Variants in NOL10 observed in about 807,000 individuals in gnomAD.
The protein encoded by NOL10 is nucleolar protein 10.
In NOL10, 58 loss-of-function variants were observed where a neutral mutation model predicts 103.5. The ratio of observed to expected loss-of-function variants is 0.56; its 90% CI spans 0.45 to 0.70. NOL10 has a LOEUF of 0.70. Ranked by LOEUF, NOL10 falls within the 30% of genes least tolerant of loss-of-function variation. The pLI, the probability that NOL10 is intolerant of heterozygous loss-of-function variation, is 0.00. For synonymous variants in NOL10, 287 were observed against 282.5 expected, an observed-to-expected ratio of 1.02 and a Z score of -0.16; for missense variants, 763 against 807.3, an observed-to-expected ratio of 0.95 and a Z score of 0.67.
chr2:10,637,032 T>C (rs1174457371), intron 13 of NOL10, among the ~76,000 whole-genome samples: 1 of 151,880 alleles, frequency 6.6e-6, no homozygotes, highest in East Asian at 1.9e-4. Flanking sequence ...CAAAACCCCA[T>C]GTCTACTAAA....
At chr2:10,648,659 T>C (rs1284063218) in intron 12 of NOL10, among the ~76,000 whole-genome samples, 1 of 152,132 alleles carries the variant, frequency 6.6e-6, no homozygotes, top group Non-Finnish European at 1.5e-5. Context: ...CTCAGCAGCC[T>C]GCACATTACT....
intron 17 of NOL10, among the ~76,000 whole-genome samples, chr2:10,593,719 G>A (rs963775560): frequency 1.3e-5 from 2 of 152,206 alleles, no homozygotes; most frequent in African/African-American, 4.8e-5. Flanking sequence ...GAAGTTGCTT[G>A]GCTGAGGCTG....
Position 10,599,181 on chromosome 2 carries a change from G to A in NOL10, c.1422+1672C>T, listed in dbSNP as rs183810290. ...CTGCACAAAGTAGCAAAATTAAATT[G>A]TAACTTAAGTATTCTTGCCTCTATC... On this transcript the variant is annotated intron_variant, in intron 17 of 20. Transcript: ENST00000381685. Among the ~76,000 whole-genome samples the A allele has an allele frequency of 2.6e-5, 4 of 152,334 alleles. No homozygotes were observed. In the East Asian group the frequency reaches 7.7e-4, roughly 29 times the overall value.
At chr2:10,677,960 TGCACAC>T (rs1477717150) in intron 3 of NOL10, among the ~76,000 whole-genome samples, 47 of 115,420 alleles carry the variant, frequency 4.1e-4, no homozygotes, top group African/African-American at 1.1e-3. Context: ...TAATTTTATG[TGCACAC>T]ACACACACAC....
At chr2:10,636,640 G>A (rs897688948) in intron 13 of NOL10, among the ~76,000 whole-genome samples, 4 of 151,186 alleles carry the variant, frequency 2.6e-5, no homozygotes. Flanking sequence ...TCTTCTTAAT[G>A]AAGCTGAGGA....
chr2:10,588,965 T>C (rs1675256822), intron 19 of NOL10, 78 bp downstream of exon 19: 4 of 1,559,570 alleles, frequency 2.6e-6, no homozygotes, highest in East Asian at 2.2e-5. Context: ...AGAAATGTCA[T>C]CTTTAGGGCA....
Position 10,589,710 on chromosome 2 carries a change from C to T in NOL10, c.1464G>A (p.Met488Ile), listed in dbSNP as rs752669479. 3.2e-6 allele frequency: 5 copies of T among 1,576,326 alleles called. No individual in the cohort carries two copies. The Admixed American group carries it at 7.6e-5, about 24-fold the overall frequency. ...NILTDDRFKV[M>I]FENPDFQVDE... ...CTACTTGGAAGTCAGGGTTCTCAAACATAACTTTAAATCGATCATCGGTGA... is the reference window on the plus strand; with the variant it reads ...CTACTTGGAAGTCAGGGTTCTCAAATATAACTTTAAATCGATCATCGGTGA... The change falls in exon 18 of 21, where the codon ATG becomes ATA. Residue 488 changes from methionine (M) to isoleucine (I), a missense_variant. Coordinates refer to ENST00000381685, the MANE Select transcript of NOL10 (RefSeq NM_024894.4).
chr2:10,604,048 C>A (rs1676123121), intron 14 of NOL10, among the ~76,000 whole-genome samples: 1 of 152,210 alleles, frequency 6.6e-6, no homozygotes, highest in Non-Finnish European at 1.5e-5. Flanking sequence ...GATCATCAGG[C>A]ATTAGATTCT....
chr2:10,617,027 C>T (rs1676874704), intron 13 of NOL10, among the ~76,000 whole-genome samples: 1 of 152,190 alleles, frequency 6.6e-6, no homozygotes, highest in African/African-American at 2.4e-5. Context: ...GAACAATCCC[C>T]ACCCTCAAGG....
In NOL10 at chr2:10,585,139, G is replaced by C. The variant is rs184355039; in HGVS notation, c.1844+3904C>G. ...ATGGCAAAAAAGATTCACAGTTTCA[G>C]CAAGTATTTCTCAAGTGCCCACTCT... On this transcript the variant is annotated intron_variant, in intron 19 of 20. Coordinates refer to ENST00000381685, the MANE Select transcript of NOL10 (RefSeq NM_024894.4). Among the ~76,000 whole-genome samples, 6 of 152,338 alleles carry C rather than the reference G, an allele frequency of 3.9e-5. No homozygotes were observed. In the East Asian group the frequency reaches 1.2e-3, roughly 29 times the overall value.
Position 10,593,289 on chromosome 2 carries a change from G to A in NOL10, c.1423-3538C>T, listed in dbSNP as rs371429687. ...GGAGTAGCTGGGATTACAGGCACGC[G>A]CCACCACGGCCGGCTAATTTTTGTG... On this transcript the variant is annotated intron_variant, in intron 17 of 20. Transcript: ENST00000381685. Among the ~76,000 whole-genome samples, 712 of 152,054 alleles carry A rather than the reference G, an allele frequency of 4.7e-3. 9 individuals carry two copies. The highest frequency in any genetic ancestry group is 0.016 in the African/African-American group (661 of 41,454).
At chr2:10,622,247 G>C (rs1677190651) in intron 13 of NOL10, 1 of 458,590 alleles carries the variant, frequency 2.2e-6, no homozygotes, top group Non-Finnish European at 4.5e-6. Context: ...ATTAAAAAGA[G>C]AGCTTGATTT....
chr2:10,608,291 G>C (rs1676366601), intron 13 of NOL10, among the ~76,000 whole-genome samples: 1 of 152,136 alleles, frequency 6.6e-6, no homozygotes, highest in South Asian at 2.1e-4. Flanking sequence ...AGGCTGAACA[G>C]AATTATAACC....
intron 19 of NOL10, among the ~76,000 whole-genome samples, chr2:10,581,800 G>A (rs540456369): frequency 6.6e-6 from 1 of 151,828 alleles, no homozygotes; most frequent in Non-Finnish European, 1.5e-5. Flanking sequence ...CAGCCTGGGC[G>A]ACAGTGTGAG....
chr2:10,684,210 A>T (rs1018654684), intron 2 of NOL10, among the ~76,000 whole-genome samples: 28 of 150,452 alleles, frequency 1.9e-4, no homozygotes, highest in African/African-American at 6.8e-4. Flanking sequence ...CAGGAGGTGG[A>T]GGTTGCAGTG....
intron 14 of NOL10, among the ~76,000 whole-genome samples, chr2:10,604,026 T>G (rs1252575882): frequency 1.3e-5 from 2 of 152,206 alleles, no homozygotes; most frequent in Non-Finnish European, 2.9e-5. Context: ...AGGACGAAAC[T>G]ATTCCACCTC....
At chr2:10,638,051 G>A (rs1678387387) in intron 13 of NOL10, among the ~76,000 whole-genome samples, 1 of 152,202 alleles carries the variant, frequency 6.6e-6, no homozygotes, top group African/African-American at 2.4e-5. Context: ...GGAGGCCAAC[G>A]TGGGAGGATC....
At chr2:10,638,677 G>A (rs963164999) in intron 13 of NOL10, among the ~76,000 whole-genome samples, 3 of 150,538 alleles carry the variant, frequency 2.0e-5, no homozygotes, top group African/African-American at 7.3e-5. Flanking sequence ...CTCTTTAGTA[G>A]AGACGGGATT....
chr2:10,668,284 A>G (rs1156521174), intron 7 of NOL10, among the ~76,000 whole-genome samples: 1 of 152,168 alleles, frequency 6.6e-6, no homozygotes, highest in African/African-American at 2.4e-5. Flanking sequence ...AAAAACCTTA[A>G]ATGTCCGCTA....
Sources: gnomAD v4.1 joint callset for allele counts (sites outside exome capture counted in the v4.1 genomes callset) on GRCh38, gnomAD v4.1.1 for gene constraint, MANE v1.5 for transcripts, NCBI Gene and HGNC (gene_info 2026-07-23, HGNC 2026-07-21) for gene names.